ALG5: variants seen among roughly 807,000 people sequenced by gnomAD.
ALG5 encodes dolichyl-phosphate beta-glucosyltransferase.
ALG5 carries 26 observed loss-of-function variants against 51.8 expected under a neutral mutation model. That is an observed-to-expected ratio of 0.50 (90% CI 0.37 to 0.70). ALG5 has a LOEUF of 0.70. ALG5 is among the 30% of genes least tolerant of loss of function. ALG5 has a pLI of 0.00. For missense variants in ALG5, 311 were observed against 399.3 expected (o/e 0.78, Z 1.88); for synonymous variants, 141 against 136.1 (o/e 1.04, Z -0.25).
intron 1 of ALG5, 126 bp downstream of exon 1, chr13:36,999,109 G>A (rs974357940): frequency 8.8e-6 from 7 of 792,182 alleles, no homozygotes; most frequent in Non-Finnish European, 1.2e-5. Flanking sequence ...CAGGAATTTG[G>A]GGGAATCTAG....
chr13:36,998,828 A>G (rs1473335886), intron 1 of ALG5: 1 of 171,716 alleles, frequency 5.8e-6, no homozygotes, highest in East Asian at 1.5e-4. Flanking sequence ...TAGGGAGCAC[A>G]CCCCTTCTGG....
chr13:36,971,997 C>G lies in ALG5; in HGVS notation c.601G>C (p.Glu201Gln). ...AIACGSRAHL[E>Q]KESIAQRSYF... ...CTCACCTGAGCAATTGATTCTTTTT[C>G]TAAATGAGCTCGAGATCCACATGCT... The change falls in exon 7 of 10, where the codon GAA becomes CAA. Residue 201 changes from glutamate (E) to glutamine (Q), a missense_variant. Glu to Gln is a conservative substitution (Grantham distance 29). Transcript: ENST00000239891. 6.2e-7 allele frequency: 1 copy of G among 1,604,088 alleles called. No individual in the cohort carries two copies. Among genetic ancestry groups the G allele is most frequent in the Non-Finnish European group, 8.5e-7 (1 of 1,174,700 alleles).
intron 3 of ALG5, among the ~76,000 whole-genome samples, chr13:36,994,358 T>C (rs1357909450): frequency 1.3e-5 from 2 of 152,122 alleles, no homozygotes; most frequent in Non-Finnish European, 2.9e-5. Flanking sequence ...TAATTCTTAA[T>C]CCCTCCAAGG....
At chr13:36,981,281 G>A (rs80149688) in intron 6 of ALG5, among the ~76,000 whole-genome samples, 7 of 151,740 alleles carry the variant, frequency 4.6e-5, no homozygotes, top group East Asian at 1.9e-4. Flanking sequence ...ACTGTAAAAC[G>A]TACTAAAGAA....
chr13:36,966,764 A>G (rs2058895496), intron 7 of ALG5, among the ~76,000 whole-genome samples: 1 of 152,226 alleles, frequency 6.6e-6, no homozygotes, highest in Non-Finnish European at 1.5e-5. Context: ...GCAACCTATT[A>G]AGAGTCTATT....
Position 36,985,533 on chromosome 13 carries a change from GT to G in ALG5, c.561+93del. ...AAGGATTTCATACCAAAAACACTCA[GT>G]TTTTAAACTGATAGGTAAACTCTCC... On this transcript the variant is annotated intron_variant, in intron 6 of 9. Transcript: ENST00000239891. 3 of 978,546 alleles carry G rather than the reference GT, an allele frequency of 3.1e-6. No homozygotes were observed. In the South Asian group the frequency reaches 4.8e-5, roughly 16 times the overall value. The allele number at this position is 978,546 out of a possible 1,614,324, so 60.6% of individuals were successfully genotyped here.
intron 6 of ALG5, among the ~76,000 whole-genome samples, chr13:36,975,183 C>G (rs1226817553): frequency 6.6e-6 from 1 of 152,160 alleles, no homozygotes; most frequent in Non-Finnish European, 1.5e-5. Flanking sequence ...TGCATCCCAG[C>G]CTGGGCAACA....
chr13:36,960,171 A>C (rs1421783096), intron 8 of ALG5, among the ~76,000 whole-genome samples: 1 of 152,208 alleles, frequency 6.6e-6, no homozygotes, highest in Non-Finnish European at 1.5e-5. Flanking sequence ...AATACTGACA[A>C]AAAATAATTA....
intron 4 of ALG5, among the ~76,000 whole-genome samples, chr13:36,991,360 A>C (rs1458417627): frequency 6.6e-6 from 1 of 150,718 alleles, no homozygotes; most frequent in Non-Finnish European, 1.5e-5. Context: ...TTCAACTATT[A>C]CTTTACTCAT....
rs943511966 is a variant in ALG5 at position 36,994,876 on chromosome 13, G to A, written c.285+113C>T. ...ACAAGCAAGCAGCAGGTGGCCCAGC[G>A]ATCGGGGTGCTGCCAGGACTGCCTC... On this transcript the variant is annotated intron_variant, in intron 3 of 9. Coordinates refer to ENST00000239891, the MANE Select transcript of ALG5 (RefSeq NM_013338.5). The A allele has an allele frequency of 4.4e-5, 38 of 863,126 alleles. No individual in the cohort carries two copies. In the African/African-American group the frequency reaches 5.0e-4, roughly 11 times the overall value. The allele number at this position is 863,126 out of a possible 1,614,324, so 53.5% of individuals were successfully genotyped here.
At position 36,985,540 on chromosome 13, in the gene ALG5, A is replaced by G. The variant is rs143453560; in HGVS notation, c.561+87T>C. On this transcript the variant is annotated intron_variant, in intron 6 of 9. Transcript: ENST00000239891. ...TCATACCAAAAACACTCAGTTTTTA[A>G]ACTGATAGGTAAACTCTCCTTTAAC... 5 of 1,053,724 alleles carry G rather than the reference A, an allele frequency of 4.7e-6. No individual in the cohort carries two copies. The East Asian group carries it at 1.2e-4, about 25-fold the overall frequency. The allele number at this position is 1,053,724 out of a possible 1,614,324, so 65.3% of individuals were successfully genotyped here.
chr13:36,975,072 G>A (rs1358872364), intron 6 of ALG5, among the ~76,000 whole-genome samples: 6 of 152,170 alleles, frequency 3.9e-5, no homozygotes, highest in East Asian at 1.9e-4. Flanking sequence ...TTAGCTGGGC[G>A]TGGTGGCATG....
intron 6 of ALG5, among the ~76,000 whole-genome samples, chr13:36,978,917 A>AT (rs1304799032): frequency 2.6e-5 from 1 of 38,802 alleles, no homozygotes; most frequent in African/African-American, 1.5e-4. Context: ...TTTGGTCTCA[A>AT]TTAAAAAAAA....
At chr13:36,963,783 C>T (rs1474772943) in intron 8 of ALG5, among the ~76,000 whole-genome samples, 7 of 152,098 alleles carry the variant, frequency 4.6e-5, no homozygotes, top group Non-Finnish European at 2.9e-5. Context: ...GACAACAGGT[C>T]TTTGAAAACA....
At chr13:36,954,745 T>C (rs1358036202) in intron 8 of ALG5, among the ~76,000 whole-genome samples, 1 of 152,190 alleles carries the variant, frequency 6.6e-6, no homozygotes, top group Non-Finnish European at 1.5e-5. Flanking sequence ...GTGTTTTCTT[T>C]TCTTACTCAG....
At chr13:36,951,946 G>C (rs1026030347) in intron 9 of ALG5, among the ~76,000 whole-genome samples, 1 of 152,068 alleles carries the variant, frequency 6.6e-6, no homozygotes, top group Non-Finnish European at 1.5e-5. Context: ...CACCACGCCC[G>C]GCCATCTTTT....
chr13:36,993,658 C>A lies in ALG5; in HGVS notation c.300G>T (p.Ala100=), dbSNP rs145741184. ...CAACTACTATCACTTCATAAGTGAA[C>A]GCAGGATCTCGTTTCTGCAAGAAAC... ...YLEKRQKRDP[A]FTYEVIVVDD... The change falls in exon 4 of 10, where the codon GCG becomes GCT. Residue 100 remains alanine (A), a synonymous_variant. Transcript: ENST00000239891. 3 of 1,613,084 alleles carry A rather than the reference C, an allele frequency of 1.9e-6. No individual in the cohort carries two copies. In the South Asian group the frequency reaches 3.3e-5, roughly 18 times the overall value.
At chr13:36,972,858 G>A (rs1254626270) in intron 6 of ALG5, among the ~76,000 whole-genome samples, 1 of 151,928 alleles carries the variant, frequency 6.6e-6, no homozygotes, top group Non-Finnish European at 1.5e-5. Context: ...TGGGCGTGGT[G>A]GCGGGCGCCT....
intron 5 of ALG5, among the ~76,000 whole-genome samples, chr13:36,988,414 G>A (rs2059011458): frequency 6.6e-6 from 1 of 152,180 alleles, no homozygotes; most frequent in Non-Finnish European, 1.5e-5. Flanking sequence ...GTGAATCACT[G>A]TTTCTAGTAC....
Sources: gnomAD v4.1 joint callset for allele counts (sites outside exome capture counted in the v4.1 genomes callset) on GRCh38, gnomAD v4.1.1 for gene constraint, MANE v1.5 for transcripts, NCBI Gene and HGNC (gene_info 2026-07-23, HGNC 2026-07-21) for gene names.